The following ADAM9 variants were observed in gnomAD, a reference collection of about 807,000 sequenced individuals.
The protein encoded by ADAM9 is ADAM metallopeptidase domain 9.
ADAM9 carries 54 observed loss-of-function variants against 108.1 expected under a neutral mutation model. That is an observed-to-expected ratio of 0.50 (90% CI 0.40 to 0.63). The LOEUF (loss-of-function observed/expected upper bound fraction) is 0.63. Ranked by LOEUF, ADAM9 falls within the 20% of genes least tolerant of loss-of-function variation. ADAM9 has a pLI of 0.00. For missense variants in ADAM9, 830 were observed against 997.7 expected (o/e 0.83, Z 2.26); for synonymous variants, 316 against 336.0 (o/e 0.94, Z 0.65).
chr8:39,044,690 G>T (rs1004820298), intron 12 of ADAM9, among the ~76,000 whole-genome samples: 1 of 151,966 alleles, frequency 6.6e-6, no homozygotes, highest in Non-Finnish European at 1.5e-5. Context: ...CCATGTGCGC[G>T]CATTGTTTAG....
intron 11 of ADAM9, among the ~76,000 whole-genome samples, chr8:39,031,961 G>A (rs1837107795): frequency 6.6e-6 from 1 of 152,092 alleles, no homozygotes; most frequent in Non-Finnish European, 1.5e-5. Flanking sequence ...GACCCTTTTT[G>A]CCTGGGTATT....
At position 39,041,987 on chromosome 8, in the gene ADAM9, A is replaced by C. The variant is rs1837468927; in HGVS notation, c.1172A>C (p.Glu391Ala). 2 of 1,613,996 alleles carry C rather than the reference A, an allele frequency of 1.2e-6. No homozygotes were observed. The highest frequency in any genetic ancestry group is 2.2e-5 in the East Asian group (1 of 44,902). ...NFSSCSAEDF[E>A]KLTLNKGGNC... is the part of the protein sequence containing the mutation. ...AGCAGTTGCAGTGCAGAGGACTTTG[A>C]GAAGTTAACTTTAAATAAAGGAGGA... The change falls in exon 12 of 22, where the codon GAG becomes GCG. Residue 391 changes from glutamate to alanine, a missense_variant. Around this residue, in one of 3 missense-constraint regions of ADAM9, gnomAD observed 381 missense variants for 539.8 expected, o/e 0.71. Transcript: ENST00000487273.
intron 14 of ADAM9, among the ~76,000 whole-genome samples, chr8:39,070,920 T>C (rs999104187): frequency 6.6e-6 from 1 of 152,220 alleles, no homozygotes. Flanking sequence ...TCTCCAACCC[T>C]TCCTAGCTGA....
In ADAM9 at chr8:39,021,681, A is replaced by G. The variant is rs1836745345; in HGVS notation, c.711A>G (p.Glu237=). 6.2e-7 allele frequency: 1 copy of G among 1,613,952 alleles called. No homozygotes were observed. The highest frequency in any genetic ancestry group is 1.3e-5 in the African/African-American group (1 of 74,924). Residue 237 remains glutamate (E), a synonymous_variant, in exon 8 of 22, where the codon GAA becomes GAG. Coordinates refer to ENST00000487273, the MANE Select transcript of ADAM9 (RefSeq NM_003816.3). ...GAAGAAATCAGACTGCTGTGAGAGAAGAGATGATTCTCCTGGCAAACTACT... is the reference window on the plus strand; with the variant it reads ...GAAGAAATCAGACTGCTGTGAGAGAGGAGATGATTCTCCTGGCAAACTACT... The part of the protein sequence containing the change: ...MMGRNQTAVR[E]EMILLANYLD...
intron 11 of ADAM9, among the ~76,000 whole-genome samples, chr8:39,031,930 G>A (rs1477873843): frequency 2.6e-5 from 4 of 152,216 alleles, no homozygotes; most frequent in African/African-American, 4.8e-5. Context: ...ATCTGTTGGA[G>A]TTTGCTGGAG....
intron 12 of ADAM9, among the ~76,000 whole-genome samples, chr8:39,048,273 A>G (rs1230024676): frequency 6.6e-6 from 1 of 152,048 alleles, no homozygotes; most frequent in African/African-American, 2.4e-5. Flanking sequence ...TTGTTTGTCC[A>G]AAAGTATTTT....
At chr8:39,017,447 A>G in intron 6 of ADAM9, 33 bp downstream of exon 6, 1 of 1,595,018 alleles carries the variant, frequency 6.3e-7, no homozygotes, top group Non-Finnish European at 8.6e-7. Flanking sequence ...CATGGCTCAG[A>G]CTACCATTTT....
At chr8:39,013,868 C>T (rs1471310434) in intron 3 of ADAM9, 97 bp from the exon 4 acceptor site, 2 of 945,094 alleles carry the variant, frequency 2.1e-6, no homozygotes, top group Non-Finnish European at 3.4e-6. Context: ...TTCTTATTTA[C>T]TCCTGCTTGT....
intron 11 of ADAM9, among the ~76,000 whole-genome samples, chr8:39,036,866 ATTTT>A: frequency 7.0e-6 from 1 of 142,726 alleles, no homozygotes; most frequent in African/African-American, 2.6e-5. Context: ...ATGTGGGTGA[ATTTT>A]TTTTTTTTTT....
Position 39,077,284 on chromosome 8 carries a change from G to T in ADAM9, c.1754G>T (p.Gly585Val). 6.2e-7 allele frequency: 1 copy of T among 1,614,080 alleles called. No homozygotes were observed. Among genetic ancestry groups the T allele is most frequent in the Non-Finnish European group, 8.5e-7 (1 of 1,180,004 alleles). Reference sequence around the variant, plus strand: ...AATGTACAAGAGATACCTGTATTTGGAATTGTGCCTGCTATTATTCAAACG... The same window carrying T: ...AATGTACAAGAGATACCTGTATTTGTAATTGTGCCTGCTATTATTCAAACG... ...CENVQEIPVF[G>V]IVPAIIQTPS... The change falls in exon 16 of 22, where the codon GGA becomes GTA. Residue 585 changes from glycine (G) to valine (V), a missense_variant. Coordinates refer to ENST00000487273, the MANE Select transcript of ADAM9 (RefSeq NM_003816.3).
At chr8:39,023,698 A>G (rs1836821975) in intron 9 of ADAM9, among the ~76,000 whole-genome samples, 1 of 148,166 alleles carries the variant, frequency 6.7e-6, no homozygotes, top group African/African-American at 2.5e-5. Flanking sequence ...GGCCTAAGTA[A>G]CTCAGTATTT....
chr8:39,013,511 T>A (rs1223162575), intron 3 of ADAM9, among the ~76,000 whole-genome samples: 1 of 151,548 alleles, frequency 6.6e-6, no homozygotes, highest in South Asian at 2.1e-4. Flanking sequence ...TCTCCTTTTT[T>A]TTTTTTTAAG....
intron 14 of ADAM9, among the ~76,000 whole-genome samples, chr8:39,067,860 A>G (rs1838536512): frequency 6.6e-6 from 1 of 152,292 alleles, no homozygotes; most frequent in African/African-American, 2.4e-5. Context: ...TTGCCCATTC[A>G]GTATGATATT....
rs146446402 is a variant in ADAM9, at chr8:39,093,748, C to T, written c.2298+2402C>T. ...CGTGTGATGTACAGCCTTTATTGTT[C>T]TGAGGTTCATTATTTCTTTCTTTCT... is the stretch of plus-strand genomic sequence containing the variant. On this transcript the variant is annotated intron_variant, in intron 20 of 21. Transcript: ENST00000487273. Among the ~76,000 whole-genome samples, 470 of 152,086 alleles carry T rather than the reference C, an allele frequency of 3.1e-3. 4 individuals carry two copies. Among genetic ancestry groups the T allele is most frequent in the Non-Finnish European group, 5.0e-3 (340 of 67,978 alleles).
At chr8:39,098,434 C>G (rs1473086466) in intron 20 of ADAM9, among the ~76,000 whole-genome samples, 1 of 152,194 alleles carries the variant, frequency 6.6e-6, no homozygotes, top group African/African-American at 2.4e-5. Context: ...TTCTTAACCT[C>G]TCTTTGGTAT....
rs1176846749 is a variant in ADAM9, at chr8:39,091,279, C to G, written c.2231C>G (p.Ala744Gly). 6.2e-7 allele frequency: 1 copy of G among 1,614,092 alleles called. No individual in the cohort carries two copies. The highest frequency in any genetic ancestry group is 1.1e-5 in the South Asian group (1 of 91,082). ...TTCAGGTCAGATGGCAAAAATCAAGCAAACCCTTCTAGACAGCCGGGGAGT... is the reference window on the plus strand; with the variant it reads ...TTCAGGTCAGATGGCAAAAATCAAGGAAACCCTTCTAGACAGCCGGGGAGT... ...QTYESDGKNQ[A>G]NPSRQPGSVP... is the part of the protein sequence containing the mutation. Residue 744 changes from alanine to glycine, a missense_variant, in exon 20 of 22, where the codon GCA becomes GGA. Around this residue, in one of 3 missense-constraint regions of ADAM9, gnomAD observed 238 missense variants for 235.7 expected, o/e 1.01. Coordinates refer to ENST00000487273, the MANE Select transcript of ADAM9 (RefSeq NM_003816.3).
chr8:39,047,904 G>C (rs1446089441), intron 12 of ADAM9, among the ~76,000 whole-genome samples: 1 of 149,740 alleles, frequency 6.7e-6, no homozygotes, highest in Non-Finnish European at 1.5e-5. Context: ...TTTAATATAG[G>C]TTATCACAGC....
At chr8:38,997,228 T>C (rs1835845280) in intron 1 of ADAM9, 68 bp downstream of exon 1, 1 of 1,510,940 alleles carries the variant, frequency 6.6e-7, no homozygotes, top group Non-Finnish European at 8.9e-7. Flanking sequence ...GGAGTGAACC[T>C]GTGGTGCCTG....
intron 18 of ADAM9, among the ~76,000 whole-genome samples, chr8:39,085,229 C>T (rs533279323): frequency 6.6e-6 from 1 of 152,224 alleles, no homozygotes; most frequent in South Asian, 2.1e-4. Context: ...CCATCAGTCT[C>T]CTTGTAGTGA....
Sources: allele counts gnomAD v4.1 joint callset (sites outside exome capture counted in the v4.1 genomes callset), GRCh38; gene constraint gnomAD v4.1.1; regional missense constraint gnomAD v4.1.1; transcripts MANE v1.5; gene names NCBI Gene and HGNC (gene_info 2026-07-23, HGNC 2026-07-21).